Variants in SAMHD1 observed in about 807,000 individuals in gnomAD.
SAMHD1 encodes deoxynucleoside triphosphate triphosphohydrolase SAMHD1.
A neutral mutation model predicts 79.6 loss-of-function variants in SAMHD1; 54 were observed. The observed-to-expected ratio is 0.68, with a 90% confidence interval of 0.55 to 0.85. The LOEUF is 0.85. Ranked by LOEUF, SAMHD1 falls within the 40% of genes least tolerant of loss-of-function variation. The pLI is 0.00. For synonymous variants in SAMHD1, 260 were observed against 264.1 expected (o/e 0.98, Z 0.15); for missense variants, 663 against 782.7 (o/e 0.85, Z 1.82).
At chr20:36,902,971 T>G (rs1218407031) in intron 13 of SAMHD1, among the ~76,000 whole-genome samples, 4 of 151,846 alleles carry the variant, frequency 2.6e-5, no homozygotes, top group African/African-American at 9.7e-5. Flanking sequence ...CCTCCTGACT[T>G]CAAGTGATTC....
At chr20:36,939,352 G>T (rs550175059) in intron 3 of SAMHD1, among the ~76,000 whole-genome samples, 1 of 151,894 alleles carries the variant, frequency 6.6e-6, no homozygotes, top group African/African-American at 2.4e-5. Flanking sequence ...CAACACTTTG[G>T]GAGGCCAAGG....
intron 12 of SAMHD1, 109 bp from the exon 13 acceptor site, chr20:36,904,358 G>A: frequency 1.3e-6 from 1 of 786,294 alleles, no homozygotes. Context: ...AACGATTAGA[G>A]ATATCCTTAA....
chr20:36,941,616 A>T (rs2063644649), intron 2 of SAMHD1, among the ~76,000 whole-genome samples: 1 of 151,950 alleles, frequency 6.6e-6, no homozygotes, highest in Admixed American at 6.6e-5. Context: ...GAGCAGCTCG[A>T]AGTCCTGTGA....
rs754153159 is a variant in SAMHD1, at chr20:36,911,230, T to A, written c.1258A>T (p.Thr420Ser). The change falls in exon 11 of 16, where the codon ACT becomes TCT. Residue 420 changes from threonine to serine, a missense_variant. Transcript: ENST00000646673. ...STAIDDMEAY[T>S]KLTDNIFLEI... ...TGTTACTTCTTACCTGTCAGCTTAGTATAGGCTTCCATGTCGTCAATTGCT... is the reference window on the plus strand; with the variant it reads ...TGTTACTTCTTACCTGTCAGCTTAGAATAGGCTTCCATGTCGTCAATTGCT... 50 of 1,611,238 alleles carry A rather than the reference T, an allele frequency of 3.1e-5. No homozygotes were observed. Among genetic ancestry groups the A allele is most frequent in the Non-Finnish European group, 4.2e-5 (49 of 1,177,916 alleles).
chr20:36,934,849 G>A (rs1486970589), intron 4 of SAMHD1, 180 bp downstream of exon 4: 1 of 570,454 alleles, frequency 1.8e-6, no homozygotes, highest in Non-Finnish European at 3.2e-6. Flanking sequence ...GTAAAGATGG[G>A]GTTTCACAAT....
chr20:36,943,450 TAAGGAGTCCTA>T (rs2063661797), intron 2 of SAMHD1, among the ~76,000 whole-genome samples: 1 of 152,184 alleles, frequency 6.6e-6, no homozygotes, highest in African/African-American at 2.4e-5. Flanking sequence ...AATACAGCTC[TAAGGAGTCCTA>T]CAGAATTTGA....
intron 4 of SAMHD1, among the ~76,000 whole-genome samples, chr20:36,932,553 G>A (rs1334112572): frequency 6.7e-6 from 1 of 149,606 alleles, no homozygotes; most frequent in Non-Finnish European, 1.5e-5. Flanking sequence ...GAGTAGCTGG[G>A]ATTACAGGTA....
chr20:36,929,273 G>A (rs2063554267), intron 5 of SAMHD1, among the ~76,000 whole-genome samples: 1 of 152,038 alleles, frequency 6.6e-6, no homozygotes, highest in Non-Finnish European at 1.5e-5. Context: ...TTCTTTGTAA[G>A]TCTCCGGGGG....
chr20:36,924,879 C>G (rs879703253), intron 6 of SAMHD1, among the ~76,000 whole-genome samples: 9 of 152,118 alleles, frequency 5.9e-5, no homozygotes, highest in Non-Finnish European at 1.2e-4. Context: ...GATTTCTCGG[C>G]CGGGCACGGT....
chr20:36,894,519 C>T (rs1157636446), intron 15 of SAMHD1, among the ~76,000 whole-genome samples: 1 of 151,434 alleles, frequency 6.6e-6, no homozygotes, highest in Non-Finnish European at 1.5e-5. Context: ...GTAATCCCAA[C>T]ACTTTGGGAG....
chr20:36,914,513 G>A (rs995243631), intron 9 of SAMHD1, among the ~76,000 whole-genome samples: 1 of 151,902 alleles, frequency 6.6e-6, no homozygotes, highest in Admixed American at 6.6e-5. Context: ...ACTGCGCCCA[G>A]CTAATTTTTG....
chr20:36,933,427 G>A (rs1055779451), intron 4 of SAMHD1, among the ~76,000 whole-genome samples: 2 of 152,072 alleles, frequency 1.3e-5, no homozygotes, highest in African/African-American at 4.8e-5. Context: ...AGTAAATAGA[G>A]AATACAGAAA....
intron 13 of SAMHD1, among the ~76,000 whole-genome samples, chr20:36,901,975 G>A (rs1054188931): frequency 1.3e-5 from 2 of 152,114 alleles, no homozygotes; most frequent in East Asian, 1.9e-4. Context: ...TATAAGAATG[G>A]GAATACTGAA....
intron 5 of SAMHD1, 38 bp from the exon 6 acceptor site, chr20:36,927,290 CT>C (rs1400375064): frequency 2.8e-6 from 4 of 1,409,798 alleles, no homozygotes; most frequent in Non-Finnish European, 4.0e-6. Context: ...AGAAAAACAT[CT>C]GTAAACCAAC....
chr20:36,910,428 A>C (rs2063431164), intron 11 of SAMHD1, among the ~76,000 whole-genome samples: 1 of 151,774 alleles, frequency 6.6e-6, no homozygotes, highest in Admixed American at 6.6e-5. Context: ...AAAAAAATTA[A>C]ATTTAAAAGT....
intron 13 of SAMHD1, among the ~76,000 whole-genome samples, chr20:36,900,255 C>CT (rs1361834236): frequency 4.0e-5 from 6 of 151,634 alleles, no homozygotes; most frequent in South Asian, 2.1e-4. Context: ...CAGTAATTTC[C>CT]TTTTTTTTGA....
Position 36,916,760 on chromosome 20 carries a change from C to T in SAMHD1, c.1024G>A (p.Glu342Lys), listed in dbSNP as rs750359968. The T allele has an allele frequency of 2.5e-5, 41 of 1,613,956 alleles. No individual in the cohort carries two copies. The East Asian group carries it at 8.7e-4, about 34-fold the overall frequency. ...KRFIKFARVC[E>K]VDNELRICAR... ...CAAATACGCAACTCATTGTCTACTT[C>T]ACAGACACGGGCAAACTTAATAAAG... The change falls in exon 9 of 16, where the codon GAA (glutamate) becomes AAA (lysine). Residue 342 changes from glutamate (E) to lysine (K), a missense_variant. Glu to Lys is a moderately conservative substitution (Grantham distance 56). Coordinates refer to ENST00000646673, the MANE Select transcript of SAMHD1 (RefSeq NM_015474.4).
rs1264863768 is a variant in SAMHD1, at chr20:36,898,488, G to A, written c.1560C>T (p.Phe520=). 1 of 1,613,996 alleles carries A rather than the reference G, an allele frequency of 6.2e-7. No individual in the cohort carries two copies. Among genetic ancestry groups the A allele is most frequent in the Admixed American group, 1.7e-5 (1 of 59,980 alleles). Residue 520 remains phenylalanine (F), a synonymous_variant, in exon 14 of 16, where the codon TTC becomes TTT. Coordinates refer to ENST00000646673, the MANE Select transcript of SAMHD1 (RefSeq NM_015474.4). ...QEKNPIDHVS[F]YCKTAPNRAI... ...CTCTGTTGGGGGCAGTCTTACAATA[G>A]AAGCTAACATGATCAATTGGATTCT...
rs187329318 is a variant in SAMHD1 at position 36,914,148 on chromosome 20, T to C, written c.1063-1596A>G. 2.6e-5 allele frequency among the ~76,000 whole-genome samples: 4 copies of C among 152,242 alleles called. No homozygotes were observed. In the East Asian group the frequency reaches 7.7e-4, roughly 29 times the overall value. On this transcript the variant is annotated intron_variant, in intron 9 of 15. Coordinates refer to ENST00000646673, the MANE Select transcript of SAMHD1 (RefSeq NM_015474.4). ...AGTGATTTCAGCTGTTTAACTACAGTTGACCTTTAACAACACATGTTTGAA... is the reference window on the plus strand; with the variant it reads ...AGTGATTTCAGCTGTTTAACTACAGCTGACCTTTAACAACACATGTTTGAA...
Sources: gnomAD v4.1 joint callset for allele counts (sites outside exome capture counted in the v4.1 genomes callset) on GRCh38, gnomAD v4.1.1 for gene constraint, MANE v1.5 for transcripts, NCBI Gene and HGNC (gene_info 2026-07-23, HGNC 2026-07-21) for gene names.